Variants in PNPLA7 observed in about 807,000 individuals in gnomAD.
PNPLA7 encodes the protein patatin like domain 7, lysophospholipase.
In PNPLA7, 153 loss-of-function variants were observed where a neutral mutation model predicts 161.7. The observed-to-expected ratio is 0.95, with a 90% confidence interval of 0.83 to 1.08. PNPLA7 has a LOEUF of 1.08. PNPLA7 is among the 50% of genes least tolerant of loss of function. PNPLA7 has a pLI of 0.00. For synonymous variants in PNPLA7, 809 were observed against 782.1 expected, an observed-to-expected ratio of 1.03 and a Z score of -0.57; for missense variants, 1,739 against 1,856.6, an observed-to-expected ratio of 0.94 and a Z score of 1.16.
intron 20 of PNPLA7, among the ~76,000 whole-genome samples, chr9:137,488,201 C>T (rs1470891114): frequency 6.6e-6 from 1 of 152,076 alleles, no homozygotes; most frequent in Non-Finnish European, 1.5e-5. Context: ...GAGCTTCGGC[C>T]CGAACGCGGC....
Position 137,461,268 on chromosome 9 carries a change from G to A in PNPLA7, c.3841+268C>T, listed in dbSNP as rs78737905. ...TGGGTGGGGTGGGAGGCAAAACGTG[G>A]TTCTACTTCAGGCCTGAGGTGTGGC... On this transcript the variant is annotated intron_variant, in intron 33 of 34. Coordinates refer to ENST00000406427, the MANE Select transcript of PNPLA7 (RefSeq NM_001098537.3). 7.0e-3 allele frequency: 3,095 copies of A among 439,600 alleles called. 85 individuals are homozygous for A. Among genetic ancestry groups the A allele is most frequent in the African/African-American group, 0.054 (2,756 of 50,714 alleles). The allele number at this position is 439,600 out of a possible 1,614,324, so 27.2% of individuals were successfully genotyped here.
intron 14 of PNPLA7, among the ~76,000 whole-genome samples, chr9:137,502,870 G>C (rs1049813992): frequency 4.6e-5 from 7 of 151,658 alleles, no homozygotes; most frequent in Admixed American, 4.6e-4. Flanking sequence ...AGAGTATTGT[G>C]GTTAGAGATG....
chr9:137,532,079 G>T lies in PNPLA7; in HGVS notation c.747+8563C>A, dbSNP rs547918524. ...TCCCAGCAACATCACGCTTTTTTGC[G>T]TATCTGCGGTATTTTGTAACAACTT... On this transcript the variant is annotated intron_variant, in intron 8 of 34. Coordinates refer to ENST00000406427, the MANE Select transcript of PNPLA7 (RefSeq NM_001098537.3). 2.0e-5 allele frequency among the ~76,000 whole-genome samples: 3 copies of T among 152,046 alleles called. No homozygotes were observed. The South Asian group carries it at 6.2e-4, about 32-fold the overall frequency.
rs901960156 is a variant in PNPLA7 at position 137,541,546 on chromosome 9, T to G, written c.667-824A>C. ...GCAGGAGCCCTGCAGGTCAGGGTGA[T>G]GATCACACAAAGCCCAGGGTTTGCT... On this transcript the variant is annotated intron_variant, in intron 7 of 34. Transcript: ENST00000406427. The surrounding 1 kb of genome is among the most constrained non-coding windows in gnomAD (Gnocchi z 4.4). 1.0e-6 allele frequency: 1 copy of G among 964,662 alleles called. No homozygotes were observed. The highest frequency in any genetic ancestry group is 1.2e-6 in the Non-Finnish European group (1 of 810,956). The allele number at this position is 964,662 out of a possible 1,614,324, so 59.8% of individuals were successfully genotyped here. A position where few individuals can be genotyped will look rare whatever the true frequency, so the allele number is the denominator to read the frequency against.
chr9:137,543,768 C>CCGGGG lies in PNPLA7; in HGVS notation c.316_320dup (p.Gln108ProfsTer47). 6.2e-7 allele frequency: 1 copy of CCGGGG among 1,614,050 alleles called. No homozygotes were observed. The highest frequency in any genetic ancestry group is 8.5e-7 in the Non-Finnish European group (1 of 1,180,014). On this transcript the variant is annotated frameshift_variant, in exon 5 of 35. Transcript: ENST00000406427. LOFTEE classifies it high-confidence loss of function. This position sits in a 1 kb window ranked among gnomAD's most constrained non-coding sequence, Gnocchi z 6.9. ...CCTTGGTCCTCTTCCTGGCCCGCTG[C>CCGGGG]CGGGGCAGGGCAGTGTTCTCCACAA...
intron 25 of PNPLA7, 83 bp downstream of exon 25, chr9:137,477,951 G>A (rs117580248): frequency 0.02 from 22,808 of 1,132,874 alleles, 474 homozygotes; most frequent in Non-Finnish European, 0.019. Flanking sequence ...CCTGTCCCCC[G>A]CACCCAGCAC....
intron 11 of PNPLA7, among the ~76,000 whole-genome samples, chr9:137,518,604 C>T: frequency 1.3e-5 from 1 of 74,592 alleles, no homozygotes; most frequent in African/African-American, 6.0e-5. Context: ...CCACTCTGTC[C>T]ACTCCATCCC....
Sources: allele counts gnomAD v4.1 joint callset (sites outside exome capture counted in the v4.1 genomes callset), GRCh38; gene constraint gnomAD v4.1.1; non-coding constraint Gnocchi (gnomAD v3.1); transcripts MANE v1.5; gene names NCBI Gene and HGNC (gene_info 2026-07-23, HGNC 2026-07-21).